Variants in RNF217 observed in about 807,000 individuals in gnomAD.
RNF217 encodes the protein ring finger protein 217.
A neutral mutation model predicts 57.8 loss-of-function variants in RNF217; 31 were observed. That is an observed-to-expected ratio of 0.54 (90% CI 0.40 to 0.72). The LOEUF (loss-of-function observed/expected upper bound fraction) is 0.72. Ranked by LOEUF, RNF217 falls within the 30% of genes least tolerant of loss-of-function variation. The pLI, the probability that RNF217 is intolerant of heterozygous loss-of-function variation, is 0.00. For missense variants in RNF217, 696 were observed against 708.3 expected, an observed-to-expected ratio of 0.98 and a Z score of 0.20; for synonymous variants, 313 against 294.0, an observed-to-expected ratio of 1.06 and a Z score of -0.66.
At position 125,045,678 on chromosome 6, in the gene RNF217, G is replaced by A. The variant is rs550154091; in HGVS notation, c.1116+234G>A. Among the ~76,000 whole-genome samples the A allele has an allele frequency of 7.2e-4, 110 of 152,160 alleles. 1 individual carries two copies. Among genetic ancestry groups the A allele is most frequent in the African/African-American group, 2.6e-3 (106 of 41,542 alleles). On this transcript the variant is annotated intron_variant, in intron 2 of 5. Transcript: ENST00000521654. ...TTTAACCATGTTGAAAATTAATCTA[G>A]TAACCTTATAGGAAGGCTGATCTTT...
intron 1 of RNF217, among the ~76,000 whole-genome samples, chr6:125,015,742 A>G (rs1318213169): frequency 4.6e-5 from 7 of 152,058 alleles, no homozygotes; most frequent in Non-Finnish European, 8.8e-5. Flanking sequence ...ACTTCTCAAA[A>G]CTCAAGAATT....
chr6:125,082,827 C>A, intron 5 of RNF217, 37 bp from the exon 6 acceptor site: 1 of 1,454,538 alleles, frequency 6.9e-7, no homozygotes. Flanking sequence ...CTAAATGCCT[C>A]TCATCCTAAC....
chr6:125,045,398 A>T lies in RNF217; in HGVS notation c.1070A>T (p.Lys357Ile), dbSNP rs199552347. 8 of 1,613,198 alleles carry T rather than the reference A, an allele frequency of 5.0e-6. No homozygotes were observed. The highest frequency in any genetic ancestry group is 6.8e-6 in the Non-Finnish European group (8 of 1,179,616). Reference sequence around the variant, plus strand: ...TGCAAGCACTTTACAACCTTCAAGAAAAAAGGACATATTCCCACCCCTTCC... The same window carrying T: ...TGCAAGCACTTTACAACCTTCAAGATAAAAGGACATATTCCCACCCCTTCC... ...PQCKHFTTFK[K>I]KGHIPTPSRS... The change falls in exon 2 of 6, where the codon AAA (lysine) becomes ATA (isoleucine). Residue 357 changes from lysine (K) to isoleucine (I), a missense_variant. This residue lies in a region of RNF217 where 231 missense variants were observed against 321.4 expected (regional missense o/e 0.72). Coordinates refer to ENST00000521654, the MANE Select transcript of RNF217 (RefSeq NM_001286398.3).
chr6:125,058,140 T>G, intron 3 of RNF217, 34 bp downstream of exon 3: 1 of 1,582,296 alleles, frequency 6.3e-7, no homozygotes, highest in African/African-American at 1.3e-5. Flanking sequence ...AGAAAAAACA[T>G]GTACATCTGG....
chr6:124,974,678 C>T (rs1372002585), intron 1 of RNF217, among the ~76,000 whole-genome samples: 3 of 152,102 alleles, frequency 2.0e-5, no homozygotes, highest in Admixed American at 6.5e-5. Flanking sequence ...GAAAGGAGTT[C>T]ATGTAACAGA....
chr6:124,970,784 A>G lies in RNF217; in HGVS notation c.882+7358A>G, dbSNP rs536597920. Among the ~76,000 whole-genome samples the G allele has an allele frequency of 3.6e-4, 55 of 152,294 alleles. 1 individual carries two copies. In the South Asian group the frequency reaches 0.011, roughly 30 times the overall value. ...TCTGGGACATCAGAAAGAAGAAGCA[A>G]AGAGTCTAAAAGGGAGTGGGCTAAT... On this transcript the variant is annotated intron_variant, in intron 1 of 5. Transcript: ENST00000521654.
At position 125,031,995 on chromosome 6, in the gene RNF217, A is replaced by T. The variant is rs527451405; in HGVS notation, c.883-13216A>T. 1.4e-4 allele frequency among the ~76,000 whole-genome samples: 21 copies of T among 152,310 alleles called. 1 individual carries two copies. The South Asian group carries it at 4.4e-3, about 32-fold the overall frequency. ...TGGTGGGAGGTGAAAGGCACTCCTT[A>T]CATGGCAGCAGCAAGAGAAAATGAG... is the stretch of plus-strand genomic sequence containing the variant. On this transcript the variant is annotated intron_variant, in intron 1 of 5. Transcript: ENST00000521654.
At chr6:125,026,002 G>T (rs1786067509) in intron 1 of RNF217, among the ~76,000 whole-genome samples, 1 of 152,126 alleles carries the variant, frequency 6.6e-6, no homozygotes, top group Non-Finnish European at 1.5e-5. Flanking sequence ...ACCCCAGAGG[G>T]TCCCAGAGAA....
chr6:125,066,070 G>C (rs1341119854), intron 3 of RNF217, among the ~76,000 whole-genome samples: 4 of 152,242 alleles, frequency 2.6e-5, no homozygotes, highest in South Asian at 4.1e-4. Context: ...TGTCTGGTGA[G>C]TCATTAAGTT....
chr6:124,966,634 A>G (rs762300510), intron 1 of RNF217, among the ~76,000 whole-genome samples: 1 of 152,252 alleles, frequency 6.6e-6, no homozygotes, highest in Non-Finnish European at 1.5e-5. Flanking sequence ...TCCCTATTAA[A>G]CATTTTATGC....
At chr6:124,992,474 A>G (rs1204016268) in intron 1 of RNF217, among the ~76,000 whole-genome samples, 1 of 152,194 alleles carries the variant, frequency 6.6e-6, no homozygotes, top group Non-Finnish European at 1.5e-5. Flanking sequence ...TATATTTCTA[A>G]TGCTGTGTAG....
chr6:125,025,957 A>T (rs1786065305), intron 1 of RNF217, among the ~76,000 whole-genome samples: 1 of 152,142 alleles, frequency 6.6e-6, no homozygotes, highest in South Asian at 2.1e-4. Flanking sequence ...GGCCTTGAAG[A>T]GGGAGGTGAA....
chr6:124,997,885 A>G (rs1039122704), intron 1 of RNF217, among the ~76,000 whole-genome samples: 3 of 151,970 alleles, frequency 2.0e-5, no homozygotes, highest in African/African-American at 7.3e-5. Context: ...TATCCCTTTG[A>G]CCTTACTGAT....
chr6:124,997,560 G>A (rs1486802231), intron 1 of RNF217, among the ~76,000 whole-genome samples: 2 of 152,174 alleles, frequency 1.3e-5, no homozygotes, highest in Non-Finnish European at 2.9e-5. Context: ...TGAAGGGCAA[G>A]TCAGAGTGGA....
In RNF217 at chr6:125,076,744, C is replaced by A. The variant is rs1343623119; in HGVS notation, c.1369C>A (p.Arg457Ser). 1 of 1,613,348 alleles carries A rather than the reference C, an allele frequency of 6.2e-7. No individual in the cohort carries two copies. Among genetic ancestry groups the A allele is most frequent in the African/African-American group, 1.3e-5 (1 of 74,864 alleles). ...TTGTTACCGATGTGGTGAGAGATAC[C>A]GCCAGCTCCGATTTTTTGGAGACCA... ...NFCYRCGERYRQLRFFGDHTS... is the reference protein window; with the variant it reads ...NFCYRCGERYSQLRFFGDHTS... The change falls in exon 4 of 6, where the codon CGC becomes AGC. Residue 457 changes from arginine to serine, a missense_variant. Physicochemically the swap from Arg to Ser is moderately radical, Grantham distance 110 (BLOSUM62 -1). Around this residue, in one of 2 missense-constraint regions of RNF217, gnomAD observed 231 missense variants for 321.4 expected, o/e 0.72. Coordinates refer to ENST00000521654, the MANE Select transcript of RNF217 (RefSeq NM_001286398.3).
intron 2 of RNF217, among the ~76,000 whole-genome samples, chr6:125,055,065 T>C (rs1787472388): frequency 6.6e-6 from 1 of 152,144 alleles, no homozygotes; most frequent in South Asian, 2.1e-4. Context: ...ATTTTGAATA[T>C]GGTTAAGTTC....
In RNF217 at chr6:124,962,618, C is replaced by T. The variant is rs1304336314; in HGVS notation, c.74C>T (p.Ala25Val). The stretch of plus-strand genomic sequence containing the variant: ...TCGCAGACCCTGGCCAGTGGCACTG[C>T]GGGCCACCCTGAGCCCCCGAGGCCT... ...QESQTLASGT[A>V]GHPEPPRPQG... Residue 25 changes from alanine to valine, a missense_variant, in exon 1 of 6, where the codon GCG (alanine) becomes GTG (valine). Physicochemically the swap from Ala to Val is moderately conservative, Grantham distance 64. This residue lies in a region of RNF217 where 465 missense variants were observed against 386.8 expected (regional missense o/e 1.20). Coordinates refer to ENST00000521654, the MANE Select transcript of RNF217 (RefSeq NM_001286398.3). This position sits in a 1 kb window ranked among gnomAD's most constrained non-coding sequence, Gnocchi z 4.6. 2 of 1,313,522 alleles carry T rather than the reference C, an allele frequency of 1.5e-6. No homozygotes were observed. The highest frequency in any genetic ancestry group is 3.2e-5 in the East Asian group (1 of 31,146). The allele number at this position is 1,313,522 out of a possible 1,614,324, so 81.4% of individuals were successfully genotyped here.
chr6:125,057,598 G>A (rs1361478357), intron 2 of RNF217, among the ~76,000 whole-genome samples: 1 of 152,168 alleles, frequency 6.6e-6, no homozygotes, highest in Non-Finnish European at 1.5e-5. Flanking sequence ...AAGGAAAGGT[G>A]AATTAAAGGG....
intron 1 of RNF217, among the ~76,000 whole-genome samples, chr6:124,984,282 C>T (rs894176544): frequency 4.6e-5 from 7 of 152,122 alleles, no homozygotes; most frequent in African/African-American, 1.7e-4. Flanking sequence ...CATAGTGGCT[C>T]ACGCCTGTAA....
Sources: allele counts gnomAD v4.1 joint callset (sites outside exome capture counted in the v4.1 genomes callset), GRCh38; gene constraint gnomAD v4.1.1; regional missense constraint gnomAD v4.1.1; non-coding constraint Gnocchi (gnomAD v3.1); transcripts MANE v1.5; gene names NCBI Gene and HGNC (gene_info 2026-07-23, HGNC 2026-07-21).